The following ELFN2 variants were observed in gnomAD, a reference collection of about 807,000 sequenced individuals.
ELFN2 encodes the protein protein phosphatase 1 regulatory subunit 29.
A neutral mutation model predicts 45.5 loss-of-function variants in ELFN2; 17 were observed. That is an observed-to-expected ratio of 0.37 (90% CI 0.26 to 0.56). The LOEUF is 0.56. Among genes scored for constraint, ELFN2 ranks in the 20% least tolerant of loss-of-function variants. The probability of loss-of-function intolerance (pLI) is 0.77; values close to 1 mark genes in which losing one functional copy is unlikely to be tolerated. For missense variants in ELFN2, 922 were observed against 1,183.2 expected, an observed-to-expected ratio of 0.78 and a Z score of 3.24; for synonymous variants, 550 against 551.5, an observed-to-expected ratio of 1.00 and a Z score of 0.04.
At chr22:37,397,506 GCC>G (rs1262149774) in intron 2 of ELFN2, among the ~76,000 whole-genome samples, 1 of 152,174 alleles carries the variant, frequency 6.6e-6, no homozygotes, top group Non-Finnish European at 1.5e-5. Flanking sequence ...TGCTGGCCCT[GCC>G]CACAGGACAG....
chr22:37,425,837 C>T (rs1324034594), intron 1 of ELFN2, among the ~76,000 whole-genome samples: 1 of 150,912 alleles, frequency 6.6e-6, no homozygotes, highest in African/African-American at 2.4e-5. Flanking sequence ...CCACGGGCCA[C>T]GAGAACAGGG....
At chr22:37,427,082 ACC>A in intron 1 of ELFN2, 1 of 147,016 alleles carries the variant, frequency 6.8e-6, no homozygotes, top group South Asian at 2.1e-4. Flanking sequence ...CACCACCACC[ACC>A]TCCCTCGCGC....
chr22:37,357,467 CTT>C (rs1455138346), intron 1 of ELFN2, among the ~76,000 whole-genome samples: 11 of 152,212 alleles, frequency 7.2e-5, no homozygotes, highest in Admixed American at 2.6e-4. Context: ...TAAGAATTCT[CTT>C]TTCCTACTCT....
intron 2 of ELFN2, among the ~76,000 whole-genome samples, chr22:37,416,728 C>T (rs1932763317): frequency 6.6e-6 from 1 of 152,040 alleles, no homozygotes; most frequent in Admixed American, 6.6e-5. Context: ...CCAAGAACCC[C>T]CACTTCAGCC....
intron 2 of ELFN2, among the ~76,000 whole-genome samples, chr22:37,383,640 T>C (rs1931850878): frequency 6.6e-6 from 1 of 152,268 alleles, no homozygotes. Context: ...GGGTGAGGCA[T>C]GCTGCCCAAG....
At chr22:37,384,783 G>A (rs890941465) in intron 2 of ELFN2, 1 of 127,150 alleles carries the variant, frequency 7.9e-6, no homozygotes, top group African/African-American at 3.1e-5. Flanking sequence ...GCCCTCTCCC[G>A]ACCTGACCTT....
intron 1 of ELFN2, among the ~76,000 whole-genome samples, chr22:37,422,016 C>T (rs1287044204): frequency 6.6e-6 from 1 of 152,202 alleles, no homozygotes; most frequent in African/African-American, 2.4e-5. Context: ...GCAGGCTGGT[C>T]AGGCAGCCTT....
At chr22:37,418,268 A>T (rs1476443123) in intron 1 of ELFN2, among the ~76,000 whole-genome samples, 1 of 151,882 alleles carries the variant, frequency 6.6e-6, no homozygotes, top group African/African-American at 2.4e-5. Context: ...AGAGGAGAAG[A>T]GATGGAGGTA....
chr22:37,402,562 C>T (rs1489067179), intron 2 of ELFN2, among the ~76,000 whole-genome samples: 3 of 152,192 alleles, frequency 2.0e-5, no homozygotes, highest in Admixed American at 1.3e-4. Flanking sequence ...AACCGAGGCT[C>T]ATGAGGGGGG....
At chr22:37,381,183 C>T (rs953797544) in intron 2 of ELFN2, among the ~76,000 whole-genome samples, 1 of 152,152 alleles carries the variant, frequency 6.6e-6, no homozygotes, top group Admixed American at 6.5e-5. Context: ...TTATATCAAC[C>T]CCACACAGCT....
chr22:37,368,069 T>G lies in ELFN2; in HGVS notation c.*5003A>C, dbSNP rs1259559078. ...GCCATTCAGTTTTAAAACAGGAAAT[T>G]GAGGGAAGGGAGAGGCAGATACAGG... On this transcript the variant is annotated 3_prime_UTR_variant, in exon 3 of 3. Coordinates refer to ENST00000402918, the MANE Select transcript of ELFN2 (RefSeq NM_052906.5). 6.6e-6 allele frequency: 1 copy of G among 152,356 alleles called. No homozygotes were observed. The highest frequency in any genetic ancestry group is 1.5e-5 in the Non-Finnish European group (1 of 68,042). The allele number at this position is 152,356 out of a possible 1,614,324, so 9.4% of individuals were successfully genotyped here.
Position 37,387,867 on chromosome 22 carries a change from C to T in ELFN2, c.-462-11871G>A, listed in dbSNP as rs759843047. Reference sequence around the variant, plus strand: ...GGCTGACCACACCCAAACCACCGTACCCAGCTGCCTCCGGGGCCCTTCCCT... The same window carrying T: ...GGCTGACCACACCCAAACCACCGTATCCAGCTGCCTCCGGGGCCCTTCCCT... On this transcript the variant is annotated intron_variant, in intron 2 of 2. Transcript: ENST00000402918. Among the ~76,000 whole-genome samples, 24 of 152,092 alleles carry T rather than the reference C, an allele frequency of 1.6e-4. 1 individual carries two copies. Among genetic ancestry groups the T allele is most frequent in the South Asian group, 1.0e-3 (5 of 4,806 alleles).
At chr22:37,426,517 C>G (rs1476379778) in intron 1 of ELFN2, among the ~76,000 whole-genome samples, 1 of 151,842 alleles carries the variant, frequency 6.6e-6, no homozygotes, top group African/African-American at 2.4e-5. Context: ...ACACACAGCA[C>G]GCACAATCCT....
chr22:37,395,009 G>T, intron 2 of ELFN2, among the ~76,000 whole-genome samples: 1 of 152,000 alleles, frequency 6.6e-6, no homozygotes, highest in African/African-American at 2.4e-5. Context: ...AGGCTGAGAG[G>T]CAGGAGAATC....
intron 2 of ELFN2, among the ~76,000 whole-genome samples, chr22:37,408,982 G>T (rs1932578709): frequency 6.6e-6 from 1 of 152,188 alleles, no homozygotes; most frequent in Non-Finnish European, 1.5e-5. Flanking sequence ...AGACAGAGCT[G>T]CAATTCGAAC....
chr22:37,403,857 G>A (rs1255406187), intron 2 of ELFN2, among the ~76,000 whole-genome samples: 1 of 152,228 alleles, frequency 6.6e-6, no homozygotes, highest in African/African-American at 2.4e-5. Context: ...CCTTGGGTTT[G>A]GCTGCCAGCT....
At chr22:37,363,481 C>T (rs1298900528), downstream of ELFN2, among the ~76,000 whole-genome samples, 2 of 151,872 alleles carry the variant, frequency 1.3e-5, no homozygotes, top group Non-Finnish European at 2.9e-5. Context: ...TTGGCAAGGA[C>T]GGGGAGGACG....
chr22:37,404,256 C>T (rs760528547), intron 2 of ELFN2, among the ~76,000 whole-genome samples: 5 of 151,898 alleles, frequency 3.3e-5, no homozygotes, highest in African/African-American at 4.8e-5. Context: ...ATCGGAGGGG[C>T]GGGAATGGCG....
chr22:37,381,607 CCT>C (rs1931773005), intron 2 of ELFN2, among the ~76,000 whole-genome samples: 1 of 152,068 alleles, frequency 6.6e-6, no homozygotes, highest in Non-Finnish European at 1.5e-5. Context: ...GCTTCGGTCC[CCT>C]GACAGCAGCC....
Sources: allele counts gnomAD v4.1 joint callset (sites outside exome capture counted in the v4.1 genomes callset), GRCh38; gene constraint gnomAD v4.1.1; transcripts MANE v1.5; gene names NCBI Gene and HGNC (gene_info 2026-07-23, HGNC 2026-07-21).